Variants in NLRP13 observed in about 807,000 individuals in gnomAD.
The protein encoded by NLRP13 is NLR family pyrin domain containing 13.
A neutral mutation model predicts 94.4 loss-of-function variants in NLRP13; 82 were observed. The ratio of observed to expected loss-of-function variants is 0.87; its 90% CI spans 0.73 to 1.04. NLRP13 has a LOEUF of 1.04. Ranked by LOEUF, NLRP13 falls within the 50% of genes least tolerant of loss-of-function variation. NLRP13 has a pLI of 0.00. For missense variants in NLRP13, 1,426 were observed against 1,230.8 expected (o/e 1.16, Z -2.37); for synonymous variants, 553 against 464.7 (o/e 1.19, Z -2.45).
intron 9 of NLRP13, among the ~76,000 whole-genome samples, chr19:55,901,365 C>A (rs1251427766): frequency 6.6e-6 from 1 of 152,070 alleles, no homozygotes; most frequent in Non-Finnish European, 1.5e-5. Context: ...ATTGGCTAAA[C>A]GTTTGAACTT....
intron 5 of NLRP13, 29 bp from the exon 6 acceptor site, chr19:55,910,762 A>G (rs751591665): frequency 5.7e-6 from 9 of 1,566,264 alleles, no homozygotes; most frequent in East Asian, 2.3e-5. Flanking sequence ...GAACACGGAT[A>G]AGAGCAAATT....
Position 55,912,476 on chromosome 19 carries a change from T to G in NLRP13, c.1341A>C (p.Ser447=). 1 of 1,614,214 alleles carries G rather than the reference T, an allele frequency of 6.2e-7. No homozygotes were observed. Among genetic ancestry groups the G allele is most frequent in the Non-Finnish European group, 8.5e-7 (1 of 1,180,026 alleles). The change falls in exon 5 of 11, where the codon TCA becomes TCC. Residue 447 remains serine, a synonymous_variant. Transcript: ENST00000342929. ...ACAGACTGGTGGTAGTCTGAGTGAT[T>G]GACTGGAGATCGTAATACCTCACCT... The part of the protein sequence containing the change: ...QPKVRYYDLQ[S]ITQTTTSLYA...
rs770405313 is a variant in NLRP13 at position 55,902,081 on chromosome 19, G to A, written c.2743C>T (p.Leu915=). The A allele has an allele frequency of 6.2e-7, 1 of 1,614,170 alleles. No individual in the cohort carries two copies. Among genetic ancestry groups the A allele is most frequent in the Admixed American group, 1.7e-5 (1 of 60,022 alleles). ...NSLRDEGVKF[L]CEALGRPDGN... ...TCTGGGCGACCCAAGGCCTCACACA[G>A]GAACTTGACTCCCTCGTCTCTCAGG... The change falls in exon 9 of 11, where the codon CTG becomes TTG. Residue 915 remains leucine (L), a synonymous_variant. Transcript: ENST00000342929.
rs80291870 is a variant in NLRP13 at position 55,914,055 on chromosome 19, C to G, written c.524-762G>C. On this transcript the variant is annotated intron_variant, in intron 4 of 10. Transcript: ENST00000342929. ...TGTAGAGCCTGCCAGTTTTCCTGGTCCCTGTGCCCAGACAGCTTCAGCTGG... is the reference window on the plus strand; with the variant it reads ...TGTAGAGCCTGCCAGTTTTCCTGGTGCCTGTGCCCAGACAGCTTCAGCTGG... Among the ~76,000 whole-genome samples the G allele has an allele frequency of 7.0e-3, 1,066 of 152,324 alleles. 7 individuals are homozygous for G. The highest frequency in any genetic ancestry group is 0.024 in the Middle Eastern group (7 of 294).
chr19:55,907,425 C>G (rs771031463), intron 7 of NLRP13, among the ~76,000 whole-genome samples: 1 of 151,938 alleles, frequency 6.6e-6, no homozygotes, highest in Non-Finnish European at 1.5e-5. Context: ...TACAAAAATT[C>G]ACTGGGTGTG....
intron 4 of NLRP13, among the ~76,000 whole-genome samples, chr19:55,914,961 G>A (rs1275886349): frequency 6.6e-6 from 1 of 152,178 alleles, no homozygotes; most frequent in Non-Finnish European, 1.5e-5. Flanking sequence ...ACAAATGCCA[G>A]ATGATTTCAC....
Position 55,924,571 on chromosome 19 carries a change from A to G in NLRP13, c.457+19T>C, listed in dbSNP as rs78795034. On this transcript the variant is annotated intron_variant, in intron 3 of 10. Transcript: ENST00000342929. ...TCCATCAAGCAACCTGTCAATTATC[A>G]ACCAAGTAATGTACACACCTGTTTC... 15,814 of 1,593,762 alleles carry G rather than the reference A, an allele frequency of 9.9e-3. 1,081 individuals are homozygous for G. In the African/African-American group the frequency reaches 0.16, roughly 16 times the overall value.
chr19:55,892,512 C>T (rs373335740), downstream of NLRP13, among the ~76,000 whole-genome samples: 1 of 152,146 alleles, frequency 6.6e-6, no homozygotes, highest in African/African-American at 2.4e-5. Flanking sequence ...CCCTCCACCT[C>T]CTGGGCCCCA....
intron 4 of NLRP13, among the ~76,000 whole-genome samples, chr19:55,919,173 C>T (rs1327068437): frequency 6.6e-6 from 1 of 152,066 alleles, no homozygotes; most frequent in Non-Finnish European, 1.5e-5. Flanking sequence ...TTCAGCATCC[C>T]TTCATGATAA....
At position 55,932,155 on chromosome 19, in the gene NLRP13, G is replaced by T. The variant is rs199823855; in HGVS notation, c.157C>A (p.Pro53Thr). The change falls in exon 1 of 11, where the codon CCG becomes ACG. Residue 53 changes from proline (P) to threonine (T), a missense_variant. Pro to Thr is a conservative substitution (Grantham distance 38, BLOSUM62 -1). Coordinates refer to ENST00000342929, the MANE Select transcript of NLRP13 (RefSeq NM_176810.2). ...DFWSAPQGHFPRIPWANLRAA... is the reference protein window; with the variant it reads ...DFWSAPQGHFTRIPWANLRAA... ...CTCAAGTTTGCCCAGGGGATACGCG[G>T]GAAGTGCCCCTGGGGGGCCGACCAG... The T allele has an allele frequency of 1.2e-6, 2 of 1,614,052 alleles. No individual in the cohort carries two copies. The highest frequency in any genetic ancestry group is 4.5e-5 in the East Asian group (2 of 44,878).
rs1986928032 is a variant in NLRP13 at position 55,924,801 on chromosome 19, G to A, written c.389-143C>T. ...GAGGAATCAGTATGCCCAGTTTACA[G>A]TAAGTTATCATTTAATAAGCAATAC... On this transcript the variant is annotated intron_variant, in intron 2 of 10. Transcript: ENST00000342929. 7 of 859,500 alleles carry A rather than the reference G, an allele frequency of 8.1e-6. No homozygotes were observed. In the East Asian group the frequency reaches 1.5e-4, roughly 19 times the overall value. 53.2% of individuals were successfully genotyped at this position (859,500 alleles called of 1,614,324 possible).
At chr19:55,918,760 A>G (rs1386225994) in intron 4 of NLRP13, among the ~76,000 whole-genome samples, 3 of 152,140 alleles carry the variant, frequency 2.0e-5, no homozygotes, top group African/African-American at 7.2e-5. Context: ...TCCCAGTACC[A>G]GATGTATTTC....
chr19:55,914,727 T>C (rs1986634497), intron 4 of NLRP13, among the ~76,000 whole-genome samples: 1 of 152,234 alleles, frequency 6.6e-6, no homozygotes, highest in South Asian at 2.1e-4. Flanking sequence ...TTGTCACAAA[T>C]GATAGAATTT....
chr19:55,897,393 A>C (rs1178956539), intron 10 of NLRP13, among the ~76,000 whole-genome samples: 5 of 151,984 alleles, frequency 3.3e-5, no homozygotes. Flanking sequence ...GGTAGCGTGC[A>C]CCTGTTGTCC....
At chr19:55,902,735 A>G (rs1986221936) in intron 8 of NLRP13, among the ~76,000 whole-genome samples, 1 of 152,136 alleles carries the variant, frequency 6.6e-6, no homozygotes, top group Non-Finnish European at 1.5e-5. Context: ...TATATTAGAT[A>G]TGCATGTATT....
intron 3 of NLRP13, 37 bp downstream of exon 3, chr19:55,924,553 A>G (rs377364249): frequency 1.4e-5 from 21 of 1,476,622 alleles, no homozygotes; most frequent in African/African-American, 5.6e-5. Flanking sequence ...TGTTCCATCA[A>G]GCAACCTGTC....
chr19:55,895,125 C>G (rs985894715), downstream of NLRP13, among the ~76,000 whole-genome samples: 4 of 148,156 alleles, frequency 2.7e-5, no homozygotes, highest in Non-Finnish European at 5.9e-5. Flanking sequence ...GGAGCAGTGG[C>G]TCACGCCTGT....
At chr19:55,923,194 C>A (rs551835295) in intron 4 of NLRP13, among the ~76,000 whole-genome samples, 1 of 152,168 alleles carries the variant, frequency 6.6e-6, no homozygotes, top group East Asian at 1.9e-4. Context: ...AGCACCAAGT[C>A]CAGAAGCAGA....
chr19:55,904,968 G>A lies in NLRP13; in HGVS notation c.2592C>T (p.His864=). 2 of 1,613,914 alleles carry A rather than the reference G, an allele frequency of 1.2e-6. No homozygotes were observed. The highest frequency in any genetic ancestry group is 1.7e-6 in the Non-Finnish European group (2 of 1,179,898). ...GIKLLCAALT[H]PKCALERLEL... Reference sequence around the variant, plus strand: ...CCAGTCTCTCTAAGGCACACTTGGGGTGAGTCAGGGCCGCACACAATAGCT... The same window carrying A: ...CCAGTCTCTCTAAGGCACACTTGGGATGAGTCAGGGCCGCACACAATAGCT... The change falls in exon 8 of 11, where the codon CAC becomes CAT. Residue 864 remains histidine, a synonymous_variant. Coordinates refer to ENST00000342929, the MANE Select transcript of NLRP13 (RefSeq NM_176810.2).
Sources: allele counts gnomAD v4.1 joint callset (sites outside exome capture counted in the v4.1 genomes callset), GRCh38; gene constraint gnomAD v4.1.1; transcripts MANE v1.5; gene names NCBI Gene and HGNC (gene_info 2026-07-23, HGNC 2026-07-21).